PIK3C2G: variants seen among roughly 807,000 people sequenced by gnomAD.
PIK3C2G encodes phosphatidylinositol-4-phosphate 3-kinase catalytic subunit type 2 gamma, also known as phosphatidylinositol 3-kinase C2 domain-containing subunit gamma.
In PIK3C2G, 168 loss-of-function variants were observed where a neutral mutation model predicts 181.1. The observed-to-expected ratio is 0.93, with a 90% CI of 0.82 to 1.05. PIK3C2G has a LOEUF of 1.05. Among genes scored for constraint, PIK3C2G ranks in the 50% least tolerant of loss-of-function variants. PIK3C2G has a pLI of 0.00. For missense variants in PIK3C2G, 1,869 were observed against 1,732.8 expected (o/e 1.08, Z -1.40); for synonymous variants, 573 against 592.2 (o/e 0.97, Z 0.47).
chr12:18,244,466 C>T (rs1009135165), upstream of PIK3C2G, among the ~76,000 whole-genome samples: 1 of 151,866 alleles, frequency 6.6e-6, no homozygotes, highest in Non-Finnish European at 1.5e-5. Context: ...GAACTTTTTC[C>T]GTACTTTTGG....
intron 18 of PIK3C2G, among the ~76,000 whole-genome samples, chr12:18,481,604 C>T (rs1939566713): frequency 6.6e-6 from 1 of 152,072 alleles, no homozygotes; most frequent in African/African-American, 2.4e-5. Flanking sequence ...TGTATATACT[C>T]ATATATATGC....
the PIK3C2G span, among the ~76,000 whole-genome samples, chr12:18,662,277 A>G: frequency 6.7e-6 from 1 of 149,956 alleles, no homozygotes; most frequent in East Asian, 2.0e-4. Context: ...CAACTTACCT[A>G]TGTAGCAAAC....
chr12:18,618,544 C>G, intron 31 of PIK3C2G, among the ~76,000 whole-genome samples: 1 of 152,110 alleles, frequency 6.6e-6, no homozygotes. Context: ...CACAACATAA[C>G]ATTAAAAATA....
At chr12:18,518,701 T>G (rs1397979876) in intron 24 of PIK3C2G, among the ~76,000 whole-genome samples, 1 of 152,180 alleles carries the variant, frequency 6.6e-6, no homozygotes, top group Non-Finnish European at 1.5e-5. Context: ...TCATTGATTT[T>G]TTTGGAGGTT....
chr12:18,620,570 G>GA (rs780042090), intron 31 of PIK3C2G, among the ~76,000 whole-genome samples: 238 of 131,676 alleles, frequency 1.8e-3, no homozygotes, highest in Middle Eastern at 0.012. Context: ...AGATAGATAG[G>GA]TAACCATACT....
chr12:18,316,425 A>G (rs1229831629), intron 6 of PIK3C2G, among the ~76,000 whole-genome samples: 2 of 152,102 alleles, frequency 1.3e-5, no homozygotes, highest in African/African-American at 2.4e-5. Context: ...TGTAGTTCTC[A>G]TCAGAAATGC....
At chr12:18,519,947 A>G (rs1366927983) in intron 24 of PIK3C2G, among the ~76,000 whole-genome samples, 1 of 146,584 alleles carries the variant, frequency 6.8e-6, no homozygotes, top group African/African-American at 2.5e-5. Context: ...CTATTATCCT[A>G]TGACCCTGCC....
At chr12:18,702,582 C>A in the PIK3C2G span, among the ~76,000 whole-genome samples, 1 of 152,104 alleles carries the variant, frequency 6.6e-6, no homozygotes, top group South Asian at 2.1e-4. Context: ...TTGGGTCTTC[C>A]CTCTTTCACA....
At chr12:18,558,368 C>A (rs1389065782) in intron 26 of PIK3C2G, among the ~76,000 whole-genome samples, 1 of 152,142 alleles carries the variant, frequency 6.6e-6, no homozygotes, top group African/African-American at 2.4e-5. Flanking sequence ...AAAGATTGTT[C>A]AGTCATTCAA....
chr12:18,265,619 A>G (rs995475079), intron 1 of PIK3C2G, among the ~76,000 whole-genome samples: 2 of 151,912 alleles, frequency 1.3e-5, no homozygotes, highest in African/African-American at 2.4e-5. Context: ...TTCATTTTGC[A>G]TGTCTCTGTG....
intron 23 of PIK3C2G, among the ~76,000 whole-genome samples, chr12:18,504,568 A>C (rs1294876606): frequency 6.6e-6 from 1 of 152,214 alleles, no homozygotes; most frequent in Non-Finnish European, 1.5e-5. Context: ...CCATGCTAGG[A>C]GACCCATAAC....
chr12:18,286,545 A>G lies in PIK3C2G; in HGVS notation c.679-302A>G, dbSNP rs140839901. 2.8e-3 allele frequency among the ~76,000 whole-genome samples: 422 copies of G among 152,216 alleles called. 3 individuals are homozygous for G. Among genetic ancestry groups the G allele is most frequent in the African/African-American group, 7.5e-3 (311 of 41,568 alleles). ...TGGTGATATAAATCTAAATAACAGT[A>G]GTTACCAAATAGATATGCAGATGGA... On this transcript the variant is annotated intron_variant, in intron 2 of 32. Coordinates refer to ENST00000538779, the MANE Select transcript of PIK3C2G (RefSeq NM_001288772.2).
intron 18 of PIK3C2G, among the ~76,000 whole-genome samples, chr12:18,429,624 A>G (rs530449657): frequency 6.6e-6 from 1 of 152,218 alleles, no homozygotes; most frequent in East Asian, 1.9e-4. Context: ...GTAGCTCAAG[A>G]CAGCAATCAT....
chr12:18,306,171 G>A (rs555109647), intron 5 of PIK3C2G, among the ~76,000 whole-genome samples: 1 of 151,938 alleles, frequency 6.6e-6, no homozygotes, highest in Non-Finnish European at 1.5e-5. Context: ...GAGGCATTAG[G>A]GATAGTTGCC....
chr12:18,581,600 T>A (rs1231242917), intron 29 of PIK3C2G, among the ~76,000 whole-genome samples: 1 of 152,200 alleles, frequency 6.6e-6, no homozygotes, highest in Non-Finnish European at 1.5e-5. Flanking sequence ...TTTACTGTGA[T>A]GGCAAAAACT....
chr12:18,303,014 A>AC (rs1011273815), intron 5 of PIK3C2G, among the ~76,000 whole-genome samples: 3 of 151,380 alleles, frequency 2.0e-5, no homozygotes, highest in African/African-American at 7.3e-5. Flanking sequence ...CTGTCCTCAG[A>AC]CCCCCCAGTG....
chr12:18,689,663 A>G, the PIK3C2G span, among the ~76,000 whole-genome samples: 1 of 151,932 alleles, frequency 6.6e-6, no homozygotes, highest in Non-Finnish European at 1.5e-5. Context: ...TCAGTGGTCA[A>G]CTCTGTTGTT....
At chr12:18,288,760 C>T (rs564430743) in intron 3 of PIK3C2G, among the ~76,000 whole-genome samples, 1 of 152,266 alleles carries the variant, frequency 6.6e-6, no homozygotes, top group African/African-American at 2.4e-5. Context: ...CTGAATAACT[C>T]TACTCACAGA....
chr12:18,534,623 G>A (rs191876960), intron 24 of PIK3C2G, among the ~76,000 whole-genome samples: 63 of 151,506 alleles, frequency 4.2e-4, no homozygotes, highest in Middle Eastern at 3.4e-3. Flanking sequence ...TGTTTCTGAT[G>A]TTAAGACTAT....
Sources: allele counts gnomAD v4.1 joint callset (sites outside exome capture counted in the v4.1 genomes callset), GRCh38; gene constraint gnomAD v4.1.1; transcripts MANE v1.5; gene names NCBI Gene and HGNC (gene_info 2026-07-23, HGNC 2026-07-21).